The following IGF2R variants were observed in gnomAD, a reference collection of about 807,000 sequenced individuals.
IGF2R encodes cation-independent mannose-6-phosphate receptor.
A neutral mutation model predicts 270.6 loss-of-function variants in IGF2R; 91 were observed. The ratio of observed to expected loss-of-function variants is 0.34; its 90% CI spans 0.28 to 0.40. The LOEUF is 0.40. Ranked by LOEUF, IGF2R falls within the 10% of genes least tolerant of loss-of-function variation. IGF2R has a pLI of 1.00. For synonymous variants in IGF2R, 1,316 were observed against 1,258.9 expected (o/e 1.05, Z -0.96); for missense variants, 2,805 against 3,188.3 (o/e 0.88, Z 2.90).
intron 44 of IGF2R, chr6:160,093,512 G>T: frequency 6.8e-6 from 4 of 585,124 alleles, no homozygotes; most frequent in Non-Finnish European, 1.3e-5. Context: ...TCACACGTCT[G>T]TACAGCCGGT....
intron 34 of IGF2R, 70 bp downstream of exon 34, chr6:160,073,539 G>T: frequency 6.4e-7 from 1 of 1,556,984 alleles, no homozygotes. Flanking sequence ...CCTTCGTCAG[G>T]TTCACTTGCC....
intron 1 of IGF2R, among the ~76,000 whole-genome samples, chr6:159,974,796 T>C (rs1346684267): frequency 2.0e-5 from 3 of 152,152 alleles, no homozygotes; most frequent in Non-Finnish European, 4.4e-5. Flanking sequence ...TCACATCCAA[T>C]TGAGAACCAC....
chr6:159,981,847 T>G (rs946010175), intron 1 of IGF2R, among the ~76,000 whole-genome samples: 4 of 152,202 alleles, frequency 2.6e-5, no homozygotes, highest in Non-Finnish European at 5.9e-5. Flanking sequence ...GTGTTTGACT[T>G]AGGGCTTCCA....
intron 37 of IGF2R, among the ~76,000 whole-genome samples, chr6:160,079,241 C>T (rs1445140927): frequency 3.3e-5 from 5 of 152,190 alleles, no homozygotes; most frequent in Non-Finnish European, 7.3e-5. Flanking sequence ...CGCACAATGT[C>T]TTATTACACA....
intron 2 of IGF2R, among the ~76,000 whole-genome samples, chr6:159,993,185 A>T (rs566446280): frequency 5.3e-5 from 8 of 152,100 alleles, no homozygotes; most frequent in African/African-American, 1.9e-4. Flanking sequence ...AAATATTTTC[A>T]CCCATTCTGT....
At chr6:160,007,541 T>C (rs1299738611) in intron 2 of IGF2R, 1 of 152,236 alleles carries the variant, frequency 6.6e-6, no homozygotes, top group Non-Finnish European at 1.5e-5. Flanking sequence ...GTTCATTTTA[T>C]ATTGGGTTAT....
intron 33 of IGF2R, 87 bp from the exon 34 acceptor site, chr6:160,073,126 G>C: frequency 6.5e-7 from 1 of 1,534,112 alleles, no homozygotes; most frequent in Non-Finnish European, 8.9e-7. Context: ...CTATGAAATT[G>C]ATGGTCCTGA....
At chr6:160,080,341 A>G (rs985982669) in intron 39 of IGF2R, 66 bp downstream of exon 39, 1 of 1,485,766 alleles carries the variant, frequency 6.7e-7, no homozygotes, top group African/African-American at 1.4e-5. Flanking sequence ...CTCGATTCAC[A>G]CTGAGACCTT....
intron 46 of IGF2R, 44 bp from the exon 47 acceptor site, chr6:160,103,702 C>A (rs748053237): frequency 2.1e-6 from 3 of 1,435,342 alleles, no homozygotes; most frequent in East Asian, 2.3e-5. Context: ...CCTGCCCATG[C>A]CCTCTCTACA....
rs17847649 is a variant in IGF2R at position 160,072,904 on chromosome 6, G to A, written c.4690+20G>A. ...GCGTGGGTGAGTGCTGTGGTCTCTC[G>A]TGTGTTGTCTGACTCTCCCGTCCTC... On this transcript the variant is annotated intron_variant, in intron 33 of 47. Transcript: ENST00000356956. 1.2e-5 allele frequency: 20 copies of A among 1,600,772 alleles called. No homozygotes were observed. Among genetic ancestry groups the A allele is most frequent in the South Asian group, 2.2e-5 (2 of 88,906 alleles).
chr6:160,008,915 C>A, intron 2 of IGF2R, 95 bp from the exon 3 acceptor site: 1 of 1,250,784 alleles, frequency 8.0e-7, no homozygotes, highest in Non-Finnish European at 1.1e-6. Context: ...CTATCAGATA[C>A]ATTATAATGC....
intron 12 of IGF2R, 95 bp downstream of exon 12, chr6:160,043,383 T>G (rs1777989695): frequency 5.2e-6 from 7 of 1,344,150 alleles, no homozygotes; most frequent in Non-Finnish European, 6.1e-6. Context: ...CATCTAAGCC[T>G]CCTCTTTCTA....
Position 160,102,754 on chromosome 6 carries a change from T to A in IGF2R, c.6995+83T>A, listed in dbSNP as rs1779516876. Reference sequence around the variant, plus strand: ...TTGGGGTCAGTTTTGTGGGGTTTTATTTATTTGTTTTTAAGCCCTACAGCA... The same window carrying A: ...TTGGGGTCAGTTTTGTGGGGTTTTAATTATTTGTTTTTAAGCCCTACAGCA... On this transcript the variant is annotated intron_variant, in intron 46 of 47. Coordinates refer to ENST00000356956, the MANE Select transcript of IGF2R (RefSeq NM_000876.4). This position sits in a 1 kb window ranked among gnomAD's most constrained non-coding sequence, Gnocchi z 4.5. 2.1e-6 allele frequency: 3 copies of A among 1,431,172 alleles called. No homozygotes were observed. Among genetic ancestry groups the A allele is most frequent in the Non-Finnish European group, 2.8e-6 (3 of 1,062,146 alleles). 88.7% of individuals were successfully genotyped at this position (1,431,172 alleles called of 1,614,324 possible).
In IGF2R at chr6:160,060,725, C is replaced by T. The variant is rs371485671; in HGVS notation, c.3262+8C>T. 336 of 1,613,910 alleles carry T rather than the reference C, an allele frequency of 2.1e-4. No homozygotes were observed. Among genetic ancestry groups the T allele is most frequent in the Non-Finnish European group, 2.7e-4 (313 of 1,179,918 alleles). On this transcript the variant is annotated splice_region_variant and intron_variant, in intron 23 of 47. Transcript: ENST00000356956. The stretch of plus-strand genomic sequence containing the variant: ...TGGACTGCCAAGTCACCGGTAAGGC[C>T]GTGCGGCCTAAGAACTGAGAGGCCG...
At chr6:160,018,199 G>A (rs993009060) in intron 4 of IGF2R, among the ~76,000 whole-genome samples, 2 of 151,922 alleles carry the variant, frequency 1.3e-5, no homozygotes, top group African/African-American at 4.8e-5. Context: ...TCAAAAGCAA[G>A]CAGGAAGACC....
chr6:159,980,223 G>GAAAGAAAGAAAGAAAGAAAGA (rs1783771293), intron 1 of IGF2R, among the ~76,000 whole-genome samples: 1 of 95,768 alleles, frequency 1.0e-5, no homozygotes, highest in Non-Finnish European at 2.3e-5. Flanking sequence ...AAGAAAGAAA[G>GAAAGAAAGAAAGAAAGAAAGA]AAAGAAAGAA....
At chr6:160,068,200 A>C (rs373663701) in intron 29 of IGF2R, 49 bp from the exon 30 acceptor site, 5 of 1,607,144 alleles carry the variant, frequency 3.1e-6, no homozygotes, top group Non-Finnish European at 4.3e-6. Flanking sequence ...CCCAATGTTT[A>C]AAGAGAATAC....
At chr6:160,081,355 T>C (rs555017673) in intron 39 of IGF2R, among the ~76,000 whole-genome samples, 1 of 152,152 alleles carries the variant, frequency 6.6e-6, no homozygotes, top group East Asian at 1.9e-4. Flanking sequence ...CAAGTTTTTA[T>C]TAGCAATTTT....
intron 44 of IGF2R, among the ~76,000 whole-genome samples, chr6:160,091,922 G>T (rs565189087): frequency 2.5e-4 from 38 of 152,306 alleles, no homozygotes; most frequent in Non-Finnish European, 4.1e-4. Flanking sequence ...ACATGCCTCA[G>T]CCATCAGGTT....
Sources: allele counts gnomAD v4.1 joint callset (sites outside exome capture counted in the v4.1 genomes callset), GRCh38; gene constraint gnomAD v4.1.1; non-coding constraint Gnocchi (gnomAD v3.1); transcripts MANE v1.5; gene names NCBI Gene and HGNC (gene_info 2026-07-23, HGNC 2026-07-21).